The following DLGAP1 variants were observed in gnomAD, a reference collection of about 807,000 sequenced individuals.
DLGAP1 encodes the protein disks large-associated protein 1.
DLGAP1 carries 11 observed loss-of-function variants against 90.8 expected under a neutral mutation model. The observed-to-expected ratio is 0.12, with a 90% CI of 0.08 to 0.20. The LOEUF (loss-of-function observed/expected upper bound fraction) is 0.20, where lower values mean the gene tolerates loss of function less well. Ranked by LOEUF, DLGAP1 falls within the 10% of genes least tolerant of loss-of-function variation. DLGAP1 has a pLI of 1.00. For missense variants in DLGAP1, 1,050 were observed against 1,333.8 expected, an observed-to-expected ratio of 0.79 and a Z score of 3.31; for synonymous variants, 558 against 540.7, an observed-to-expected ratio of 1.03 and a Z score of -0.44.
chr18:3,708,114 T>C (rs2061493540), intron 7 of DLGAP1, among the ~76,000 whole-genome samples: 1 of 151,612 alleles, frequency 6.6e-6, no homozygotes, highest in African/African-American at 2.4e-5. Flanking sequence ...CAAGCAATCC[T>C]CCCACCTCAA....
intron 2 of DLGAP1, among the ~76,000 whole-genome samples, chr18:4,041,425 A>G (rs747260400): frequency 6.6e-6 from 1 of 152,218 alleles, no homozygotes; most frequent in Non-Finnish European, 1.5e-5. Flanking sequence ...CAACATCAAT[A>G]TGTGACATGC....
At chr18:3,917,567 T>C (rs1372435876) in intron 3 of DLGAP1, among the ~76,000 whole-genome samples, 1 of 152,234 alleles carries the variant, frequency 6.6e-6, no homozygotes, top group Non-Finnish European at 1.5e-5. Flanking sequence ...CTAGAATTTA[T>C]AAATGTGAGG....
chr18:3,972,515 T>TCTCC (rs1482843668), intron 3 of DLGAP1, among the ~76,000 whole-genome samples: 2 of 151,878 alleles, frequency 1.3e-5, no homozygotes, highest in Non-Finnish European at 2.9e-5. Flanking sequence ...ACACTCTCTC[T>TCTCC]CTCTCTCTTT....
At chr18:4,112,395 G>A (rs1184265909) in intron 2 of DLGAP1, among the ~76,000 whole-genome samples, 3 of 152,142 alleles carry the variant, frequency 2.0e-5, no homozygotes, top group Non-Finnish European at 1.5e-5. Flanking sequence ...TTCTGTTGCT[G>A]TTGGGTGGAG....
rs544844396 is a variant in DLGAP1 at position 3,561,276 on chromosome 18, A to C, written c.2057+6214T>G. 2.0e-4 allele frequency among the ~76,000 whole-genome samples: 28 copies of C among 139,984 alleles called. 1 individual carries two copies. The highest frequency in any genetic ancestry group is 3.6e-3 in the Middle Eastern group (1 of 274). The allele number at this position is 139,984 out of a possible 152,430, so 91.8% of individuals were successfully genotyped here. Reference sequence around the variant, plus strand: ...ACTAAAAAAAAAAAACAAAAAAAAAAAAACAAACAAAAAATAGCCAGATGT... The same window carrying C: ...ACTAAAAAAAAAAAACAAAAAAAAACAAACAAACAAAAAATAGCCAGATGT... On this transcript the variant is annotated intron_variant, in intron 9 of 12. Transcript: ENST00000315677.
intron 1 of DLGAP1, among the ~76,000 whole-genome samples, chr18:4,317,959 G>A (rs139269644): frequency 1.3e-5 from 2 of 152,104 alleles, no homozygotes; most frequent in East Asian, 1.9e-4. Context: ...ACGATTCTCC[G>A]GCCTCAGCCT....
chr18:3,977,434 G>GGTTTTTTTTTTTTTTTTT lies in DLGAP1; in HGVS notation c.-73+27681_-73+27682insAAAAAAAAAAAAAAAAAC, dbSNP rs767760816. Among the ~76,000 whole-genome samples, 17 of 95,332 alleles carry GGTTTTTTTTTTTTTTTTT rather than the reference G, an allele frequency of 1.8e-4. 2 individuals carry two copies. Among genetic ancestry groups the GGTTTTTTTTTTTTTTTTT allele is most frequent in the African/African-American group, 4.6e-4 (11 of 23,944 alleles). 62.5% of individuals were successfully genotyped at this position (95,332 alleles called of 152,430 possible). ...AGTTAATGAATTATGTTTATTCTGT[G>GGTTTTTTTTTTTTTTTTT]TTTTTTTTTTTTTTTTTTTTGCTGA... On this transcript the variant is annotated intron_variant, in intron 3 of 12. Transcript: ENST00000315677.
chr18:3,719,348 C>T (rs1441679123), intron 7 of DLGAP1, among the ~76,000 whole-genome samples: 1 of 151,514 alleles, frequency 6.6e-6, no homozygotes, highest in Non-Finnish European at 1.5e-5. Context: ...GGGCGGATCA[C>T]GAGGTCAGGA....
chr18:4,332,171 G>T, intron 1 of DLGAP1, among the ~76,000 whole-genome samples: 1 of 151,970 alleles, frequency 6.6e-6, no homozygotes, highest in East Asian at 1.9e-4. Flanking sequence ...GAGTTAACCA[G>T]CATACTGTGA....
chr18:4,204,531 T>TTTG (rs1568449440), intron 1 of DLGAP1, among the ~76,000 whole-genome samples: 1 of 150,946 alleles, frequency 6.6e-6, no homozygotes, highest in African/African-American at 2.5e-5. Context: ...TTTTGTTTTT[T>TTTG]TTTCTGACCG....
chr18:4,248,939 T>G (rs984426435), intron 1 of DLGAP1, among the ~76,000 whole-genome samples: 2 of 152,196 alleles, frequency 1.3e-5, no homozygotes, highest in African/African-American at 4.8e-5. Context: ...TCAGGCACCC[T>G]CCGGCCTCCC....
At chr18:3,903,423 A>G (rs1369587979) in intron 3 of DLGAP1, among the ~76,000 whole-genome samples, 1 of 152,218 alleles carries the variant, frequency 6.6e-6, no homozygotes, top group East Asian at 1.9e-4. Flanking sequence ...TCCATTTTAG[A>G]AGCAGGAAAA....
At chr18:3,889,746 A>G (rs1354165636) in intron 3 of DLGAP1, among the ~76,000 whole-genome samples, 1 of 152,172 alleles carries the variant, frequency 6.6e-6, no homozygotes, top group Non-Finnish European at 1.5e-5. Context: ...ACTTTGGGAA[A>G]TCTAGGTGGG....
At chr18:3,848,913 C>T (rs1243604668) in intron 4 of DLGAP1, among the ~76,000 whole-genome samples, 1 of 151,936 alleles carries the variant, frequency 6.6e-6, no homozygotes, top group Non-Finnish European at 1.5e-5. Flanking sequence ...CTTTGCTCCT[C>T]CCCCCAACAC....
intron 2 of DLGAP1, among the ~76,000 whole-genome samples, chr18:4,110,997 T>C (rs561003631): frequency 1.3e-5 from 2 of 152,210 alleles, no homozygotes; most frequent in African/African-American, 2.4e-5. Context: ...AATGAAGCTC[T>C]CTTCATTTCA....
intron 5 of DLGAP1, among the ~76,000 whole-genome samples, chr18:3,795,216 C>A (rs545652572): frequency 1.3e-5 from 2 of 152,258 alleles, no homozygotes; most frequent in South Asian, 4.1e-4. Flanking sequence ...AGGAAGAAAC[C>A]CCCAAATTCC....
At chr18:4,021,650 T>G (rs2074612026) in intron 2 of DLGAP1, among the ~76,000 whole-genome samples, 1 of 152,186 alleles carries the variant, frequency 6.6e-6, no homozygotes, top group South Asian at 2.1e-4. Context: ...CAGGCTGGAG[T>G]GCAATGGCGC....
chr18:4,089,859 C>T (rs774109315), intron 2 of DLGAP1, among the ~76,000 whole-genome samples: 8 of 152,140 alleles, frequency 5.3e-5, no homozygotes, highest in East Asian at 3.9e-4. Flanking sequence ...TCCTGGCTAA[C>T]ACGGTGAAAC....
chr18:3,884,841 C>A (rs118096030), intron 3 of DLGAP1, among the ~76,000 whole-genome samples: 345 of 152,212 alleles, frequency 2.3e-3, no homozygotes, highest in Non-Finnish European at 2.6e-3. Flanking sequence ...AGATCTTGAT[C>A]TTTTTTCTCT....
Sources: gnomAD v4.1 joint callset for allele counts (sites outside exome capture counted in the v4.1 genomes callset) on GRCh38, gnomAD v4.1.1 for gene constraint, MANE v1.5 for transcripts, NCBI Gene and HGNC (gene_info 2026-07-23, HGNC 2026-07-21) for gene names.